LRCH2: variants seen among roughly 807,000 people sequenced by gnomAD.
LRCH2 encodes the protein leucine rich repeats and calponin homology domain containing 2.
LRCH2 carries 38 observed loss-of-function variants against 68.9 expected under a neutral mutation model. The observed-to-expected ratio is 0.55, with a 90% CI of 0.43 to 0.72. LRCH2 has a LOEUF of 0.72. Ranked by LOEUF, LRCH2 falls within the 30% of genes least tolerant of loss-of-function variation. LRCH2 has a pLI of 0.00. For synonymous variants in LRCH2, 191 were observed against 208.1 expected (o/e 0.92, Z 0.71); for missense variants, 528 against 572.9 (o/e 0.92, Z 0.80).
At chrX:115,199,515 A>G (rs1011422174) in intron 1 of LRCH2, among the ~76,000 whole-genome samples, 1 of 112,343 alleles carries the variant, frequency 8.9e-6, no homozygotes, top group Non-Finnish European at 1.9e-5. Flanking sequence ...ACTTGCATCA[A>G]TTAAATCAGA....
At chrX:115,176,754 T>TTTTTTTCTTG (rs2072651837) in intron 5 of LRCH2, among the ~76,000 whole-genome samples, 1 of 106,829 alleles carries the variant, frequency 9.4e-6, no homozygotes, top group Non-Finnish European at 1.9e-5. Flanking sequence ...TTTTTTTCTT[T>TTTTTTTCTTG]TTTTTTTTTT....
chrX:115,176,290 T>G (rs1035986759), intron 5 of LRCH2, among the ~76,000 whole-genome samples: 36 of 111,697 alleles, frequency 3.2e-4, no homozygotes, highest in African/African-American at 1.0e-3. Context: ...CCATCAATAG[T>G]GTACAATGGT....
At chrX:115,221,192 AAAAAAAAAAAAAAAAAAAAT>A (rs2073077931) in intron 1 of LRCH2, among the ~76,000 whole-genome samples, 2 of 66,321 alleles carry the variant, frequency 3.0e-5, no homozygotes, top group Non-Finnish European at 5.1e-5. Context: ...AAAAAAAAAA[AAAAAAAAAAAAAAAAAAAAT>A]ATATATATAT....
chrX:115,166,492 C>T (rs1355956635), intron 6 of LRCH2, 150 bp from the exon 7 acceptor site: 13 of 424,076 alleles, frequency 3.1e-5, no homozygotes, highest in African/African-American at 3.0e-4. Context: ...AATATCAGAA[C>T]TCTTCCTACA....
chrX:115,140,071 C>T (rs2072323330), intron 14 of LRCH2, among the ~76,000 whole-genome samples: 2 of 111,004 alleles, frequency 1.8e-5, no homozygotes, highest in Admixed American at 1.9e-4. Flanking sequence ...CCAGACAGTG[C>T]AGCTCGCAGC....
At chrX:115,187,048 A>G (rs1556554741) in intron 2 of LRCH2, among the ~76,000 whole-genome samples, 2 of 110,631 alleles carry the variant, frequency 1.8e-5, no homozygotes, top group African/African-American at 6.6e-5. Context: ...TCGATCTCCT[A>G]ACCTCGTGAT....
chrX:115,124,020 A>G lies in LRCH2; in HGVS notation c.1792-18T>C. On this transcript the variant is annotated intron_variant, in intron 16 of 20. Coordinates refer to ENST00000317135, the MANE Select transcript of LRCH2 (RefSeq NM_020871.4). Reference sequence around the variant, plus strand: ...TCATATTCCTAAAAAAAAATTAAAAAGTTAAAAATAAATAAATAATAAAAC... The same window carrying G: ...TCATATTCCTAAAAAAAAATTAAAAGGTTAAAAATAAATAAATAATAAAAC... The G allele has an allele frequency of 1.1e-6, 1 of 928,257 alleles. No individual in the cohort carries two copies. The highest frequency in any genetic ancestry group is 1.4e-6 in the Non-Finnish European group (1 of 698,299). 76.5% of individuals were successfully genotyped at this position (928,257 alleles called of 1,213,427 possible). A position where few individuals can be genotyped will look rare whatever the true frequency, so the allele number is the denominator to read the frequency against.
intron 20 of LRCH2, among the ~76,000 whole-genome samples, chrX:115,122,220 A>G (rs1405775389): frequency 1.8e-5 from 2 of 109,763 alleles, no homozygotes; most frequent in Non-Finnish European, 3.8e-5. Context: ...AAAAAAAAAA[A>G]GAAGGAAAAA....
chrX:115,157,543 T>C (rs1477457821), intron 11 of LRCH2, among the ~76,000 whole-genome samples: 1 of 106,891 alleles, frequency 9.4e-6, no homozygotes, highest in Non-Finnish European at 1.9e-5. Context: ...AGCGTGGATC[T>C]AGTAGGGCCT....
rs1556523200 is a variant in LRCH2, at chrX:115,113,171, C to T, written c.*45G>A. The T allele has an allele frequency of 2.8e-6, 3 of 1,054,964 alleles. No homozygotes were observed. Among genetic ancestry groups the T allele is most frequent in the African/African-American group, 1.9e-5 (1 of 53,190 alleles). The allele number at this position is 1,054,964 out of a possible 1,213,427, so 86.9% of individuals were successfully genotyped here. On this transcript the variant is annotated 3_prime_UTR_variant, in exon 21 of 21. Coordinates refer to ENST00000317135, the MANE Select transcript of LRCH2 (RefSeq NM_020871.4). ...CATGAATTTGAAATATTTGAAATCA[C>T]TTCAAATAAATGAAACTATACACTT... is the stretch of plus-strand genomic sequence containing the variant.
chrX:115,191,194 T>A, intron 1 of LRCH2: 1 of 1,158,730 alleles, frequency 8.6e-7, no homozygotes, highest in Non-Finnish European at 1.2e-6. Context: ...GAGCAACCGC[T>A]ACGGAGGAGG....
At position 115,190,075 on chromosome X, in the gene LRCH2, A is replaced by G. The variant is rs782379096; in HGVS notation, c.350-1705T>C. The G allele has an allele frequency of 1.4e-5, 16 of 1,153,102 alleles. No homozygotes were observed. The South Asian group carries it at 2.5e-4, about 18-fold the overall frequency. On this transcript the variant is annotated intron_variant, in intron 1 of 20. Transcript: ENST00000317135. ...CCACAAGAGGGCTGTGCCCCGGTCA[A>G]GCCTGGCTCGCATTGGCGGCAGTGG...
chrX:115,170,902 A>G (rs2072600045), intron 5 of LRCH2, among the ~76,000 whole-genome samples: 1 of 111,845 alleles, frequency 8.9e-6, no homozygotes, highest in African/African-American at 3.2e-5. Flanking sequence ...AGGAAAAATG[A>G]ATTTTTTGAA....
At chrX:115,233,486 C>A (rs782634934) in intron 1 of LRCH2, among the ~76,000 whole-genome samples, 6 of 111,848 alleles carry the variant, frequency 5.4e-5, no homozygotes, top group African/African-American at 1.9e-4. Context: ...CTACCAGTTT[C>A]TATACATCCT....
chrX:115,174,594 C>A (rs1478757880), intron 5 of LRCH2, among the ~76,000 whole-genome samples: 1 of 17,276 alleles, frequency 5.8e-5, no homozygotes, highest in Non-Finnish European at 1.5e-4. Flanking sequence ...CAAACACACC[C>A]CCCCCCCCAC....
intron 20 of LRCH2, among the ~76,000 whole-genome samples, chrX:115,117,374 G>A (rs2072091700): frequency 9.0e-6 from 1 of 111,707 alleles, no homozygotes; most frequent in African/African-American, 3.2e-5. Flanking sequence ...CACTTTGGAA[G>A]AGTTATGTAG....
chrX:115,163,163 T>C (rs2072532514), intron 11 of LRCH2, among the ~76,000 whole-genome samples: 1 of 111,628 alleles, frequency 9.0e-6, no homozygotes, highest in African/African-American at 3.3e-5. Flanking sequence ...TAATCAACTC[T>C]TGCAAAATTC....
At chrX:115,141,153 G>C (rs2147363309) in intron 14 of LRCH2, among the ~76,000 whole-genome samples, 1 of 108,107 alleles carries the variant, frequency 9.3e-6, no homozygotes, top group Non-Finnish European at 1.9e-5. Flanking sequence ...CGGGAGAATG[G>C]CGTGAACCTT....
chrX:115,207,208 T>A, intron 1 of LRCH2, among the ~76,000 whole-genome samples: 1 of 110,320 alleles, frequency 9.1e-6, no homozygotes, highest in Non-Finnish European at 1.9e-5. Flanking sequence ...CAGCAAAAAA[T>A]TAAATAAATA....
Sources: gnomAD v4.1 joint callset for allele counts (sites outside exome capture counted in the v4.1 genomes callset) on GRCh38, gnomAD v4.1.1 for gene constraint, MANE v1.5 for transcripts, NCBI Gene and HGNC (gene_info 2026-07-23, HGNC 2026-07-21) for gene names.